The following CDHR3 variants were observed in gnomAD, a reference collection of about 807,000 sequenced individuals.
CDHR3 encodes the protein cadherin related family member 3, also known as cadherin-related family member 3.
Under a neutral mutation model 86.6 loss-of-function variants are expected in CDHR3, and 79 were observed. That is an observed-to-expected ratio of 0.91 (90% CI 0.76 to 1.10). The LOEUF (loss-of-function observed/expected upper bound fraction) is 1.10, where lower values mean the gene tolerates loss of function less well. CDHR3 is among the 50% of genes least tolerant of loss of function. The pLI is 0.00. For synonymous variants in CDHR3, 421 were observed against 402.4 expected, an observed-to-expected ratio of 1.05 and a Z score of -0.55; for missense variants, 1,081 against 1,077.6, an observed-to-expected ratio of 1.00 and a Z score of -0.04.
intron 6 of CDHR3, among the ~76,000 whole-genome samples, chr7:106,000,314 G>A (rs1033707090): frequency 6.6e-6 from 1 of 152,224 alleles, no homozygotes; most frequent in African/African-American, 2.4e-5. Flanking sequence ...AGGAGCTCTG[G>A]TAGGGAGGGT....
At chr7:106,017,186 G>A (rs757733411) in intron 11 of CDHR3, among the ~76,000 whole-genome samples, 1 of 152,194 alleles carries the variant, frequency 6.6e-6, no homozygotes, top group Non-Finnish European at 1.5e-5. Context: ...GCTGCAAAGA[G>A]ATGTATGTGT....
chr7:106,022,143 T>C, intron 13 of CDHR3, 55 bp from the exon 14 acceptor site: 1 of 1,599,104 alleles, frequency 6.3e-7, no homozygotes, highest in South Asian at 1.1e-5. Context: ...TAAACCTTTA[T>C]TTCTTACTCT....
rs1244467397 is a variant in CDHR3, at chr7:106,015,789, G to T, written c.1328-138G>T. 1.0e-5 allele frequency: 7 copies of T among 703,042 alleles called. 1 individual carries two copies. The highest frequency in any genetic ancestry group is 1.8e-5 in the Non-Finnish European group (7 of 386,958). The allele number at this position is 703,042 out of a possible 1,614,324, so 43.6% of individuals were successfully genotyped here. Reference sequence around the variant, plus strand: ...GGGTGAACACCCTCGGCATCTAAAAGGCAGGAGCTCCCATGTCTTAGCCAC... The same window carrying T: ...GGGTGAACACCCTCGGCATCTAAAATGCAGGAGCTCCCATGTCTTAGCCAC... On this transcript the variant is annotated intron_variant, in intron 10 of 18. Transcript: ENST00000317716.
At chr7:106,018,799 T>C (rs1836069980) in intron 12 of CDHR3, among the ~76,000 whole-genome samples, 2 of 151,786 alleles carry the variant, frequency 1.3e-5, no homozygotes, top group Non-Finnish European at 2.9e-5. Flanking sequence ...GCATACCAGA[T>C]GGGGTAGATC....
intron 15 of CDHR3, among the ~76,000 whole-genome samples, chr7:106,026,076 CT>C (rs1279120142): frequency 6.6e-6 from 1 of 152,092 alleles, no homozygotes; most frequent in Non-Finnish European, 1.5e-5. Flanking sequence ...ACATGGTTGA[CT>C]TAAAAAAGAA....
In CDHR3 at chr7:106,016,024, C is replaced by G. The variant is rs373998790; in HGVS notation, c.1425C>G (p.Pro475=). Residue 475 remains proline, a splice_region_variant and synonymous_variant, in exon 11 of 19, where the codon CCC becomes CCG. Coordinates refer to ENST00000317716, the MANE Select transcript of CDHR3 (RefSeq NM_152750.5). The part of the protein sequence containing the change: ...SYVFDVSERR[P]ARTRVGQVRA... Reference sequence around the variant, plus strand: ...TATTTGATGTGTCAGAAAGAAGGCCCGGTAAGTAACAGATAAGACACAGAC... The same window carrying G: ...TATTTGATGTGTCAGAAAGAAGGCCGGGTAAGTAACAGATAAGACACAGAC... 1 of 1,596,134 alleles carries G rather than the reference C, an allele frequency of 6.3e-7. No individual in the cohort carries two copies. The highest frequency in any genetic ancestry group is 8.6e-7 in the Non-Finnish European group (1 of 1,166,750).
intron 15 of CDHR3, among the ~76,000 whole-genome samples, chr7:106,025,959 A>C (rs2115903237): frequency 6.6e-6 from 1 of 152,362 alleles, no homozygotes; most frequent in South Asian, 2.1e-4. Context: ...TCTTGAAGAA[A>C]CAAATCCAAT....
chr7:105,983,598 A>G (rs1383160591), intron 3 of CDHR3, among the ~76,000 whole-genome samples: 1 of 152,152 alleles, frequency 6.6e-6, no homozygotes, highest in Non-Finnish European at 1.5e-5. Context: ...CCCCTTGGTC[A>G]GTGCTGGTAC....
In CDHR3 at chr7:106,034,531, A is replaced by C. The variant is rs1396123208; in HGVS notation, c.*1834A>C. ...AAAATGCCTGTCCTGGCCTAGATTG[A>C]GCGTGATTTATTAATAAGGGTTGGT... is the stretch of plus-strand genomic sequence containing the variant. On this transcript the variant is annotated 3_prime_UTR_variant, in exon 19 of 19. Coordinates refer to ENST00000317716, the MANE Select transcript of CDHR3 (RefSeq NM_152750.5). Among the ~76,000 whole-genome samples the C allele has an allele frequency of 6.6e-6, 1 of 152,214 alleles. No homozygotes were observed. The highest frequency in any genetic ancestry group is 2.4e-5 in the African/African-American group (1 of 41,460).
chr7:106,001,628 A>T lies in CDHR3; in HGVS notation c.862+18A>T. 1 of 1,613,310 alleles carries T rather than the reference A, an allele frequency of 6.2e-7. No individual in the cohort carries two copies. On this transcript the variant is annotated intron_variant, in intron 7 of 18. Coordinates refer to ENST00000317716, the MANE Select transcript of CDHR3 (RefSeq NM_152750.5). The stretch of plus-strand genomic sequence containing the variant: ...AAATCAGTGTAAGCCACTCACTTCC[A>T]TCCTTAAGTGCATCCTCTAATTCAG...
chr7:105,997,323 G>GCC (rs1254411785), intron 6 of CDHR3, among the ~76,000 whole-genome samples: 5 of 152,218 alleles, frequency 3.3e-5, no homozygotes, highest in Non-Finnish European at 4.4e-5. Flanking sequence ...CTACAGTCCA[G>GCC]TTGCAGGTGT....
intron 4 of CDHR3, among the ~76,000 whole-genome samples, chr7:105,989,220 C>CCCA (rs142756487): frequency 1.4e-3 from 198 of 143,902 alleles, no homozygotes; most frequent in Middle Eastern, 7.1e-3. Flanking sequence ...GTACCCACCC[C>CCCA]CCCACCTCTT....
chr7:105,969,459 T>C lies in CDHR3; in HGVS notation c.47-5385T>C, dbSNP rs566115078. ...ACCGTGGGTCCTAGGAGTTTCTGAATGGTTTGTAGCAGCTTGTAAGCGTTG... is the reference window on the plus strand; with the variant it reads ...ACCGTGGGTCCTAGGAGTTTCTGAACGGTTTGTAGCAGCTTGTAAGCGTTG... On this transcript the variant is annotated intron_variant, in intron 1 of 18. Transcript: ENST00000317716. 4.4e-4 allele frequency among the ~76,000 whole-genome samples: 65 copies of C among 149,264 alleles called. 1 individual carries two copies. The South Asian group carries it at 0.013, about 30-fold the overall frequency.
In CDHR3 at chr7:105,975,031, A is replaced by G. The variant is rs773272260; in HGVS notation, c.234A>G (p.Ser78=). The G allele has an allele frequency of 1.2e-6, 2 of 1,613,710 alleles. No individual in the cohort carries two copies. Among genetic ancestry groups the G allele is most frequent in the Admixed American group, 1.7e-5 (1 of 60,006 alleles). The change falls in exon 2 of 19, where the codon TCA becomes TCG. Residue 78 remains serine, a synonymous_variant. Transcript: ENST00000317716. ...AAGCTTTTAGGGTGAATTGGCTGTCAGGCACCTACTTTGAGGTAAGTAACA... is the reference window on the plus strand; with the variant it reads ...AAGCTTTTAGGGTGAATTGGCTGTCGGGCACCTACTTTGAGGTAAGTAACA... ...LTEAFRVNWL[S]GTYFEVVTTG...
chr7:106,009,427 T>C (rs2115825852), intron 8 of CDHR3, among the ~76,000 whole-genome samples: 1 of 152,300 alleles, frequency 6.6e-6, no homozygotes, highest in East Asian at 1.9e-4. Flanking sequence ...TCCAACTATG[T>C]CAAAGCCAAG....
chr7:106,020,608 G>A, intron 13 of CDHR3, 64 bp downstream of exon 13: 1 of 1,547,176 alleles, frequency 6.5e-7, no homozygotes, highest in Non-Finnish European at 8.8e-7. Flanking sequence ...GTCTAGGGTA[G>A]GGGTCTGTGC....
Position 106,023,111 on chromosome 7 carries a change from A to G in CDHR3, c.2076+663A>G, listed in dbSNP as rs76494437. Reference sequence around the variant, plus strand: ...AGCACCACCTGGAAACTGGTTGGAAATGCAAATTCTCAGGCCCAGCCTAGA... The same window carrying G: ...AGCACCACCTGGAAACTGGTTGGAAGTGCAAATTCTCAGGCCCAGCCTAGA... On this transcript the variant is annotated intron_variant, in intron 14 of 18. Coordinates refer to ENST00000317716, the MANE Select transcript of CDHR3 (RefSeq NM_152750.5). Among the ~76,000 whole-genome samples, 230 of 152,344 alleles carry G rather than the reference A, an allele frequency of 1.5e-3. 1 individual carries two copies. The highest frequency in any genetic ancestry group is 5.2e-3 in the African/African-American group (218 of 41,576).
chr7:105,974,718 C>G, intron 1 of CDHR3, 126 bp from the exon 2 acceptor site: 1 of 697,936 alleles, frequency 1.4e-6, no homozygotes. Flanking sequence ...CGTTTGTTCT[C>G]GGGGAGTGAC....
chr7:105,964,700 G>A (rs2115576007), intron 1 of CDHR3, among the ~76,000 whole-genome samples: 1 of 152,148 alleles, frequency 6.6e-6, no homozygotes, highest in East Asian at 1.9e-4. Flanking sequence ...AAATAAAAAT[G>A]GATTTTTAAA....
Sources: allele counts gnomAD v4.1 joint callset (sites outside exome capture counted in the v4.1 genomes callset), GRCh38; gene constraint gnomAD v4.1.1; transcripts MANE v1.5; gene names NCBI Gene and HGNC (gene_info 2026-07-23, HGNC 2026-07-21).